Variants in SORBS2 observed in about 807,000 individuals in gnomAD.
SORBS2 encodes the protein sorbin and SH3 domain-containing protein 2.
SORBS2 carries 46 observed loss-of-function variants against 97.7 expected under a neutral mutation model. That is an observed-to-expected ratio of 0.47 (90% CI 0.37 to 0.60). The LOEUF is 0.60. Ranked by LOEUF, SORBS2 falls within the 20% of genes least tolerant of loss-of-function variation. SORBS2 has a pLI of 0.00. For synonymous variants in SORBS2, 476 were observed against 473.4 expected, an observed-to-expected ratio of 1.01 and a Z score of -0.07; for missense variants, 1,316 against 1,282.3, an observed-to-expected ratio of 1.03 and a Z score of -0.40.
At chr4:185,687,541 A>G (rs920504474) in intron 2 of SORBS2, among the ~76,000 whole-genome samples, 19 of 152,236 alleles carry the variant, frequency 1.2e-4, no homozygotes, top group Admixed American at 9.8e-4. Context: ...TTATAAAGTA[A>G]TTATTAAGTT....
chr4:185,695,620 G>A (rs898342635), intron 2 of SORBS2, among the ~76,000 whole-genome samples: 4 of 151,942 alleles, frequency 2.6e-5, no homozygotes, highest in Non-Finnish European at 5.9e-5. Flanking sequence ...GGGATCATTT[G>A]TAGCACTCTC....
At chr4:185,637,082 C>G (rs540154432) in intron 4 of SORBS2, among the ~76,000 whole-genome samples, 1 of 152,344 alleles carries the variant, frequency 6.6e-6, no homozygotes, top group South Asian at 2.1e-4. Flanking sequence ...CACAGGACTT[C>G]CTGATTTTTT....
intron 2 of SORBS2, among the ~76,000 whole-genome samples, chr4:185,744,434 A>T (rs1253449889): frequency 6.6e-6 from 1 of 152,248 alleles, no homozygotes; most frequent in Non-Finnish European, 1.5e-5. Flanking sequence ...GGCTAGAAAT[A>T]GTCCATTGAC....
At chr4:185,647,022 T>C (rs1214396957) in intron 3 of SORBS2, among the ~76,000 whole-genome samples, 2 of 152,184 alleles carry the variant, frequency 1.3e-5, no homozygotes, top group African/African-American at 4.8e-5. Flanking sequence ...CTGTGTATAT[T>C]TGTGCTTAAA....
Position 185,684,902 on chromosome 4 carries a change from ATATC to A in SORBS2, c.-197-6084_-197-6081del. On this transcript the variant is annotated intron_variant, in intron 2 of 20. Transcript: ENST00000284776. This position sits in a 1 kb window ranked among gnomAD's most constrained non-coding sequence, Gnocchi z 4.2. Reference sequence around the variant, plus strand: ...CAAGGCAACGGGAAAAGCACGTGCAATATCATGCGTTTTAAGAGAAATGTGCCAG... The same window carrying A: ...CAAGGCAACGGGAAAAGCACGTGCAAATGCGTTTTAAGAGAAATGTGCCAG... 7.7e-7 allele frequency: 1 copy of A among 1,303,034 alleles called. No homozygotes were observed. Among genetic ancestry groups the A allele is most frequent in the Non-Finnish European group, 1.1e-6 (1 of 922,748 alleles). 80.7% of individuals were successfully genotyped at this position (1,303,034 alleles called of 1,614,324 possible). A position where few individuals can be genotyped will look rare whatever the true frequency, so the allele number is the denominator to read the frequency against.
At position 185,606,905 on chromosome 4, in the gene SORBS2, C is replaced by G. The variant is rs1385434945; in HGVS notation, c.2796+4875G>C. On this transcript the variant is annotated intron_variant, in intron 12 of 14. Coordinates refer to ENST00000418609, the Ensembl canonical transcript of SORBS2. This position sits in a 1 kb window ranked among gnomAD's most constrained non-coding sequence, Gnocchi z 4.3. The stretch of plus-strand genomic sequence containing the variant: ...AAATTATCCCCTAGGACTTCTGGTG[C>G]CTTTTTAGGGTCTGAGAAGCCCCTT... 1 of 988,514 alleles carries G rather than the reference C, an allele frequency of 1.0e-6. No homozygotes were observed. Among genetic ancestry groups the G allele is most frequent in the African/African-American group, 1.7e-5 (1 of 57,236 alleles). The allele number at this position is 988,514 out of a possible 1,614,324, so 61.2% of individuals were successfully genotyped here. A position where few individuals can be genotyped will look rare whatever the true frequency, so the allele number is the denominator to read the frequency against.
Position 185,624,371 on chromosome 4 carries a change from G to A in SORBS2, c.758C>T (p.Pro253Leu), listed in dbSNP as rs1031340076. 1.1e-5 allele frequency: 18 copies of A among 1,614,080 alleles called. No individual in the cohort carries two copies. Among genetic ancestry groups the A allele is most frequent in the African/African-American group, 2.7e-5 (2 of 74,930 alleles). Residue 253 changes from proline to leucine, a missense_variant, in exon 7 of 15, where the codon CCA becomes CTA. Transcript: ENST00000418609. ...GCCGTTCTTGAAACTAATGGCTCTTGGTGAGTCCCGAGGGACATCCAAGTG... is the reference window on the plus strand; with the variant it reads ...GCCGTTCTTGAAACTAATGGCTCTTAGTGAGTCCCGAGGGACATCCAAGTG...
chr4:185,780,560 A>G (rs1372755022), intron 1 of SORBS2, among the ~76,000 whole-genome samples: 1 of 152,162 alleles, frequency 6.6e-6, no homozygotes, highest in East Asian at 1.9e-4. Flanking sequence ...TGTGTCCTGA[A>G]AGGCAGATAG....
intron 2 of SORBS2, among the ~76,000 whole-genome samples, chr4:185,704,196 T>C (rs529013153): frequency 1.3e-5 from 2 of 152,336 alleles, no homozygotes; most frequent in East Asian, 1.9e-4. Flanking sequence ...TCAGACATAA[T>C]TCATATTTAT....
chr4:185,952,433 C>T (rs544864967), intron 1 of SORBS2, among the ~76,000 whole-genome samples: 2 of 152,216 alleles, frequency 1.3e-5, no homozygotes, highest in Admixed American at 6.5e-5. Context: ...CTGAGAACAC[C>T]GGGCCCTCCC....
intron 1 of SORBS2, among the ~76,000 whole-genome samples, chr4:185,945,019 C>T (rs998127993): frequency 6.6e-6 from 1 of 152,208 alleles, no homozygotes; most frequent in Non-Finnish European, 1.5e-5. Flanking sequence ...CATGAGTGCT[C>T]TAGGAACTTT....
rs543623558 is a variant in SORBS2 at position 185,857,275 on chromosome 4, A to G, written c.-337-81909T>C. Among the ~76,000 whole-genome samples the G allele has an allele frequency of 2.6e-5, 4 of 152,296 alleles. No homozygotes were observed. In the East Asian group the frequency reaches 7.7e-4, roughly 29 times the overall value. The stretch of plus-strand genomic sequence containing the variant: ...CCTGTCTTTACTGCAGTATCTGAAC[A>G]TAAATTGTGAAGATTTCATGGACAC... On this transcript the variant is annotated intron_variant, in intron 1 of 20. Transcript: ENST00000284776.
chr4:185,786,700 G>A (rs111572955), intron 1 of SORBS2, among the ~76,000 whole-genome samples: 110 of 152,274 alleles, frequency 7.2e-4, no homozygotes, highest in African/African-American at 2.4e-3. Context: ...CGTGGCTCAC[G>A]CCTGTAATCC....
Position 185,704,813 on chromosome 4 carries a change from G to C in SORBS2, c.-197-25991C>G, listed in dbSNP as rs1012959607. Reference sequence around the variant, plus strand: ...TTGCCCAAGAGACTTGGGCATGAAAGATAAGCATTTCTAGTCCTTTTGATT... The same window carrying C: ...TTGCCCAAGAGACTTGGGCATGAAACATAAGCATTTCTAGTCCTTTTGATT... On this transcript the variant is annotated intron_variant, in intron 2 of 20. Transcript: ENST00000284776. 3.3e-5 allele frequency among the ~76,000 whole-genome samples: 5 copies of C among 152,184 alleles called. No homozygotes were observed. The South Asian group carries it at 6.2e-4, about 19-fold the overall frequency.
At chr4:185,713,810 C>A (rs11725143) in intron 2 of SORBS2, among the ~76,000 whole-genome samples, 27,836 of 152,156 alleles carry the variant, frequency 0.18, 2,823 homozygotes, top group Non-Finnish European at 0.24. Context: ...CATGATATTG[C>A]AGCCTGGTAC....
chr4:185,725,040 AC>A (rs2153564595), intron 2 of SORBS2, among the ~76,000 whole-genome samples: 1 of 152,346 alleles, frequency 6.6e-6, no homozygotes, highest in South Asian at 2.1e-4. Flanking sequence ...AAAGAATCAT[AC>A]ATAAGACGGT....
chr4:185,955,795 C>T (rs2099279250), intron 1 of SORBS2, among the ~76,000 whole-genome samples: 1 of 152,102 alleles, frequency 6.6e-6, no homozygotes, highest in Admixed American at 6.5e-5. Flanking sequence ...AGCAATTTGG[C>T]CTTTTTTCTC....
At chr4:185,637,717 T>G (rs939477177) in intron 4 of SORBS2, among the ~76,000 whole-genome samples, 6 of 152,060 alleles carry the variant, frequency 3.9e-5, no homozygotes, top group African/African-American at 1.4e-4. Context: ...CAGGACTCAA[T>G]GTCAAGGTGC....
intron 1 of SORBS2, among the ~76,000 whole-genome samples, chr4:185,876,029 T>C (rs2149758085): frequency 6.6e-6 from 1 of 152,356 alleles, no homozygotes; most frequent in South Asian, 2.1e-4. Flanking sequence ...TTTTGTACCC[T>C]TCTCCATACA....
Sources: allele counts gnomAD v4.1 joint callset (sites outside exome capture counted in the v4.1 genomes callset), GRCh38; gene constraint gnomAD v4.1.1; non-coding constraint Gnocchi (gnomAD v3.1); transcripts MANE v1.5; gene names NCBI Gene and HGNC (gene_info 2026-07-23, HGNC 2026-07-21).